PDGFC: variants seen among roughly 807,000 people sequenced by gnomAD.
The protein encoded by PDGFC is platelet-derived growth factor C.
Under a neutral mutation model 35.5 loss-of-function variants are expected in PDGFC, and 12 were observed. The observed-to-expected ratio is 0.34, with a 90% CI of 0.22 to 0.55. The LOEUF is 0.55. Ranked by LOEUF, PDGFC falls within the 20% of genes least tolerant of loss-of-function variation. PDGFC has a pLI of 0.91. For missense variants in PDGFC, 322 were observed against 412.4 expected, an observed-to-expected ratio of 0.78 and a Z score of 1.90; for synonymous variants, 159 against 148.8, an observed-to-expected ratio of 1.07 and a Z score of -0.50.
At chr4:156,960,578 G>C (rs1732320342) in intron 1 of PDGFC, among the ~76,000 whole-genome samples, 2 of 151,788 alleles carry the variant, frequency 1.3e-5, no homozygotes, top group South Asian at 4.2e-4. Flanking sequence ...TAGTTGTAGA[G>C]ATGTCACTGC....
intron 1 of PDGFC, among the ~76,000 whole-genome samples, chr4:156,943,171 C>T (rs973558149): frequency 6.6e-6 from 1 of 152,006 alleles, no homozygotes; most frequent in Admixed American, 6.6e-5. Flanking sequence ...CTCAACCCCC[C>T]GGTGTATCAA....
chr4:156,848,118 T>A (rs1026037483), intron 2 of PDGFC, among the ~76,000 whole-genome samples: 1 of 151,028 alleles, frequency 6.6e-6, no homozygotes, highest in Admixed American at 6.6e-5. Flanking sequence ...GCAAAAGACA[T>A]AAGCAGGCAT....
intron 2 of PDGFC, among the ~76,000 whole-genome samples, chr4:156,821,196 T>C (rs1313453021): frequency 4.7e-5 from 5 of 106,256 alleles, no homozygotes; most frequent in Non-Finnish European, 4.3e-5. Context: ...TGTGTGTGTA[T>C]GTGTGTGTGT....
In PDGFC at chr4:156,971,790, C is replaced by T. The variant is rs1732602000; in HGVS notation, c.-887G>A. Among the ~76,000 whole-genome samples the T allele has an allele frequency of 2.0e-5, 3 of 152,024 alleles. No individual in the cohort carries two copies. The South Asian group carries it at 6.2e-4, about 32-fold the overall frequency. ...ACCTCGGGGCTACGCGCGGCGTCTC[C>T]GCACGGGGTGAAGAGGGAAGGCCGG... On this transcript the variant is annotated 5_prime_UTR_variant, in exon 1 of 6. Coordinates refer to ENST00000502773, the MANE Select transcript of PDGFC (RefSeq NM_016205.3).
At chr4:156,905,045 T>C (rs764225783) in intron 1 of PDGFC, among the ~76,000 whole-genome samples, 2 of 152,120 alleles carry the variant, frequency 1.3e-5, no homozygotes, top group Non-Finnish European at 2.9e-5. Flanking sequence ...TATCTTAGCA[T>C]TACACTGGAC....
chr4:156,923,115 T>C (rs967352681), intron 1 of PDGFC, among the ~76,000 whole-genome samples: 1 of 152,194 alleles, frequency 6.6e-6, no homozygotes, highest in African/African-American at 2.4e-5. Context: ...TCCAAACTGC[T>C]TTTCATGATC....
rs913666116 is a variant in PDGFC, at chr4:156,902,125, G to A, written c.119-51709C>T. ...TACAGGAAATCCAAAAACCTAGCAG[G>A]CTACACAGAAGATACTTTGCAATCT... On this transcript the variant is annotated intron_variant, in intron 1 of 5. Transcript: ENST00000502773. 2.0e-5 allele frequency among the ~76,000 whole-genome samples: 3 copies of A among 152,076 alleles called. No homozygotes were observed. The East Asian group carries it at 5.8e-4, about 29-fold the overall frequency.
chr4:156,964,689 A>AC (rs1057131208), intron 1 of PDGFC, among the ~76,000 whole-genome samples: 4 of 152,090 alleles, frequency 2.6e-5, no homozygotes, highest in African/African-American at 9.7e-5. Flanking sequence ...ATTGGTTCTC[A>AC]CATAAGGAAA....
At chr4:156,852,680 C>A (rs554729876) in intron 1 of PDGFC, among the ~76,000 whole-genome samples, 1 of 152,192 alleles carries the variant, frequency 6.6e-6, no homozygotes, top group South Asian at 2.1e-4. Context: ...TTGAGTTAAT[C>A]ATATTTGGGT....
intron 1 of PDGFC, among the ~76,000 whole-genome samples, chr4:156,885,223 T>C (rs1402002120): frequency 6.6e-6 from 1 of 151,918 alleles, no homozygotes; most frequent in East Asian, 1.9e-4. Context: ...CACTACACAG[T>C]TTAGCCTCAG....
intron 1 of PDGFC, among the ~76,000 whole-genome samples, chr4:156,872,612 G>A (rs1238121947): frequency 6.6e-6 from 1 of 152,106 alleles, no homozygotes; most frequent in East Asian, 1.9e-4. Context: ...ATGTTTTTAA[G>A]TTTCATCTCT....
At chr4:156,798,269 T>C (rs1221507055) in intron 3 of PDGFC, among the ~76,000 whole-genome samples, 1 of 152,152 alleles carries the variant, frequency 6.6e-6, no homozygotes. Context: ...CTAAACCTCA[T>C]TTAAGAGAAG....
intron 1 of PDGFC, among the ~76,000 whole-genome samples, chr4:156,896,096 A>C (rs892189549): frequency 6.6e-6 from 1 of 152,232 alleles, no homozygotes; most frequent in Non-Finnish European, 1.5e-5. Context: ...GGTTAATTAA[A>C]TATTAATTAA....
intron 1 of PDGFC, among the ~76,000 whole-genome samples, chr4:156,883,181 GTCTT>G (rs1220419795): frequency 6.6e-6 from 1 of 151,008 alleles, no homozygotes; most frequent in South Asian, 2.1e-4. Context: ...TTCTGATTCT[GTCTT>G]TATATTAGTC....
rs138741460 is a variant in PDGFC at position 156,938,619 on chromosome 4, T to C, written c.118+32167A>G. Among the ~76,000 whole-genome samples, 548 of 152,128 alleles carry C rather than the reference T, an allele frequency of 3.6e-3. 1 individual carries two copies. Among genetic ancestry groups the C allele is most frequent in the African/African-American group, 0.011 (462 of 41,548 alleles). On this transcript the variant is annotated intron_variant, in intron 1 of 5. Transcript: ENST00000502773. ...TAAAAAGCATGTTTAATAACATACA[T>C]ATAAAATTTCATGTTTGTAAAAAAT...
intron 1 of PDGFC, among the ~76,000 whole-genome samples, chr4:156,953,783 G>A (rs564691124): frequency 6.6e-6 from 1 of 151,992 alleles, no homozygotes; most frequent in African/African-American, 2.4e-5. Flanking sequence ...ACCCATCTAA[G>A]AAGCAGTCTA....
At chr4:156,952,400 C>A (rs574760163) in intron 1 of PDGFC, among the ~76,000 whole-genome samples, 1 of 151,836 alleles carries the variant, frequency 6.6e-6, no homozygotes, top group Non-Finnish European at 1.5e-5. Flanking sequence ...CGTAGAAAAT[C>A]AAACAGAAAT....
chr4:156,839,950 A>T (rs182916991), intron 2 of PDGFC, among the ~76,000 whole-genome samples: 2 of 152,176 alleles, frequency 1.3e-5, no homozygotes, highest in African/African-American at 4.8e-5. Context: ...CTTGAGAGAG[A>T]TTATGTAGAG....
intron 2 of PDGFC, among the ~76,000 whole-genome samples, chr4:156,815,524 C>G (rs1397540048): frequency 6.6e-6 from 1 of 152,108 alleles, no homozygotes; most frequent in Non-Finnish European, 1.5e-5. Context: ...ATGGGATTCA[C>G]AGCAAAGGTT....
Sources: gnomAD v4.1 joint callset for allele counts (sites outside exome capture counted in the v4.1 genomes callset) on GRCh38, gnomAD v4.1.1 for gene constraint, MANE v1.5 for transcripts, NCBI Gene and HGNC (gene_info 2026-07-23, HGNC 2026-07-21) for gene names.